SCN2A: variants seen among roughly 807,000 people sequenced by gnomAD.
SCN2A encodes sodium channel protein type 2 subunit alpha.
SCN2A carries 20 observed loss-of-function variants against 188.7 expected under a neutral mutation model. That is an observed-to-expected ratio of 0.11 (90% CI 0.07 to 0.15). The LOEUF (loss-of-function observed/expected upper bound fraction) is 0.15, where lower values mean the gene tolerates loss of function less well. Among genes scored for constraint, SCN2A ranks in the 10% least tolerant of loss-of-function variants. The pLI is 1.00. For synonymous variants in SCN2A, 804 were observed against 833.1 expected (o/e 0.97, Z 0.60); for missense variants, 1,278 against 2,445.0 (o/e 0.52, Z 10.07).
chr2:165,307,856 A>G lies in SCN2A; in HGVS notation c.395A>G (p.Asn132Ser), dbSNP rs1309536386. ...CCTTGACGATATTCTACTTTATTCA[A>G]TATGCTCATTATGTGCACGATTCTT... Reference protein sequence around the residue: ...AIKILVHSLFNMLIMCTILTN... With the variant: ...AIKILVHSLFSMLIMCTILTN... The change falls in exon 4 of 27, where the codon AAT (asparagine) becomes AGT (serine). Residue 132 changes from asparagine (N) to serine (S), a missense_variant. Transcript: ENST00000375437. 3 of 1,608,116 alleles carry G rather than the reference A, an allele frequency of 1.9e-6. No individual in the cohort carries two copies. Among genetic ancestry groups the G allele is most frequent in the South Asian group, 1.1e-5 (1 of 90,932 alleles).
intron 25 of SCN2A, among the ~76,000 whole-genome samples, chr2:165,383,620 G>C (rs947676496): frequency 6.6e-6 from 1 of 152,154 alleles, no homozygotes; most frequent in Admixed American, 6.6e-5. Flanking sequence ...TTGTAGACTT[G>C]TTTTGGAGCT....
intron 19 of SCN2A, among the ~76,000 whole-genome samples, chr2:165,369,209 G>A (rs1055014539): frequency 6.6e-6 from 1 of 152,138 alleles, no homozygotes; most frequent in Non-Finnish European, 1.5e-5. Context: ...AACGACGGGC[G>A]TGAACCACCG....
chr2:165,299,127 G>C (rs1696660585), intron 3 of SCN2A, among the ~76,000 whole-genome samples: 1 of 152,006 alleles, frequency 6.6e-6, no homozygotes, highest in South Asian at 2.1e-4. Context: ...AATCCTAGGA[G>C]ATTATGAATC....
Position 165,392,261 on chromosome 2 carries a change from A to G in SCN2A, c.*2437A>G, listed in dbSNP as rs1261277309. On this transcript the variant is annotated 3_prime_UTR_variant, in exon 27 of 27. Coordinates refer to ENST00000375437, the MANE Select transcript of SCN2A (RefSeq NM_001040142.2). ...CAAAAAGCTAGATATGGCATCAGGTAGACTAGTGGAAAGTTACAAAAATTA... is the reference window on the plus strand; with the variant it reads ...CAAAAAGCTAGATATGGCATCAGGTGGACTAGTGGAAAGTTACAAAAATTA... 6.6e-6 allele frequency: 1 copy of G among 152,546 alleles called. No homozygotes were observed. The highest frequency in any genetic ancestry group is 2.4e-5 in the African/African-American group (1 of 41,450). 9.4% of individuals were successfully genotyped at this position (152,546 alleles called of 1,614,324 possible).
At chr2:165,356,742 G>A (rs1453697306) in intron 17 of SCN2A, among the ~76,000 whole-genome samples, 1 of 152,138 alleles carries the variant, frequency 6.6e-6, no homozygotes, top group East Asian at 1.9e-4. Flanking sequence ...ACAGCCGTGG[G>A]TTTTCCAAAA....
chr2:165,361,594 C>T (rs6735644), intron 17 of SCN2A, among the ~76,000 whole-genome samples: 111,008 of 151,854 alleles, frequency 0.73, 40,872 homozygotes, highest in African/African-American at 0.79. Flanking sequence ...AATGTGCTGC[C>T]TAGATTCTTT....
chr2:165,274,363 T>TAAAAA (rs398060729), intron 1 of SCN2A: 1 of 125,660 alleles, frequency 8.0e-6, no homozygotes, highest in Non-Finnish European at 1.7e-5. Flanking sequence ...GAGAAAAAAT[T>TAAAAA]AAAAAAAAAA....
chr2:165,365,118 GT>G lies in SCN2A; in HGVS notation c.3400-18del. On this transcript the variant is annotated intron_variant, in intron 17 of 26. Transcript: ENST00000375437. ...TAGATTAAAGAAAATAATTAAATGT[GT>G]TTTTTTGTGGGATTGATTTTCAGAA... 1.2e-6 allele frequency: 2 copies of G among 1,603,372 alleles called. No individual in the cohort carries two copies. Among genetic ancestry groups the G allele is most frequent in the Non-Finnish European group, 1.7e-6 (2 of 1,171,796 alleles).
At position 165,295,867 on chromosome 2, in the gene SCN2A, G is replaced by A. The variant is rs773482307; in HGVS notation, c.44G>A (p.Arg15His). ...VLVPPGPDSF[R>H]FFTRESLAAI... ...GTACCGCCAGGACCTGACAGCTTCCGCTTCTTTACCAGGGAATCCCTTGCT... is the reference window on the plus strand; with the variant it reads ...GTACCGCCAGGACCTGACAGCTTCCACTTCTTTACCAGGGAATCCCTTGCT... Residue 15 changes from arginine to histidine, a missense_variant, in exon 2 of 27, where the codon CGC (arginine) becomes CAC (histidine). This residue lies in a region of SCN2A where 141 missense variants were observed against 185.4 expected (regional missense o/e 0.76). Transcript: ENST00000375437. The A allele has an allele frequency of 1.9e-5, 31 of 1,614,120 alleles. No homozygotes were observed. The Middle Eastern group carries it at 6.6e-4, about 34-fold the overall frequency.
Position 165,386,627 on chromosome 2 carries a change from A to AG in SCN2A, c.4552-117dup, listed in dbSNP as rs1341215177. 25 of 1,001,832 alleles carry AG rather than the reference A, an allele frequency of 2.5e-5. No individual in the cohort carries two copies. In the Admixed American group the frequency reaches 6.6e-4, roughly 27 times the overall value. The allele number at this position is 1,001,832 out of a possible 1,614,324, so 62.1% of individuals were successfully genotyped here. On this transcript the variant is annotated intron_variant, in intron 25 of 26. Transcript: ENST00000375437. The stretch of plus-strand genomic sequence containing the variant: ...ATTTTTTTTTTTGTAAAATGTTGTG[A>AG]GGATTAAAGATGTGTTTTTATAAAA...
In SCN2A at chr2:165,300,278, G is replaced by C. The variant is rs561944635; in HGVS notation, c.386+3143G>C. Among the ~76,000 whole-genome samples, 8 of 152,192 alleles carry C rather than the reference G, an allele frequency of 5.3e-5. No individual in the cohort carries two copies. In the South Asian group the frequency reaches 1.7e-3, roughly 32 times the overall value. ...TTGTTCATTTGCAAGTACTTACTGAGTATCTACCATGTGGTAGATATTCTT... is the reference window on the plus strand; with the variant it reads ...TTGTTCATTTGCAAGTACTTACTGACTATCTACCATGTGGTAGATATTCTT... On this transcript the variant is annotated intron_variant, in intron 3 of 26. Transcript: ENST00000375437.
intron 3 of SCN2A, among the ~76,000 whole-genome samples, chr2:165,299,702 T>C (rs1408358593): frequency 6.6e-6 from 1 of 152,200 alleles, no homozygotes; most frequent in Non-Finnish European, 1.5e-5. Context: ...TTATTCCTCT[T>C]GTTGCAAACC....
At chr2:165,288,232 C>T (rs768062836) in intron 1 of SCN2A, among the ~76,000 whole-genome samples, 1 of 152,054 alleles carries the variant, frequency 6.6e-6, no homozygotes, top group Non-Finnish European at 1.5e-5. Context: ...GTGTGGAATT[C>T]AGAGAAAAAT....
At chr2:165,324,908 A>C (rs1698270286) in intron 12 of SCN2A, among the ~76,000 whole-genome samples, 1 of 152,182 alleles carries the variant, frequency 6.6e-6, no homozygotes, top group Non-Finnish European at 1.5e-5. Context: ...CATTTTAACC[A>C]ATGTTTCTCA....
chr2:165,304,930 G>A (rs1697035930), intron 3 of SCN2A, among the ~76,000 whole-genome samples: 1 of 152,188 alleles, frequency 6.6e-6, no homozygotes, highest in South Asian at 2.1e-4. Context: ...ATTTACAATG[G>A]TCGTGTTAGC....
intron 14 of SCN2A, among the ~76,000 whole-genome samples, chr2:165,341,089 TTTTG>T (rs543387525): frequency 7.9e-5 from 12 of 151,922 alleles, no homozygotes; most frequent in African/African-American, 2.2e-4. Flanking sequence ...TATATATATT[TTTTG>T]TTTGTTTGTT....
At chr2:165,328,367 C>A in intron 13 of SCN2A, 1 of 385,784 alleles carries the variant, frequency 2.6e-6, no homozygotes, top group Non-Finnish European at 3.6e-6. Context: ...CCTCTTCCCC[C>A]CAGCTGCCAG....
chr2:165,293,161 C>A (rs1696311240), intron 1 of SCN2A, among the ~76,000 whole-genome samples: 2 of 152,196 alleles, frequency 1.3e-5, no homozygotes, highest in African/African-American at 4.8e-5. Context: ...AATATCAAAT[C>A]CTACTCTATG....
chr2:165,374,168 G>A (rs1010824519), intron 21 of SCN2A, among the ~76,000 whole-genome samples: 5 of 151,834 alleles, frequency 3.3e-5, no homozygotes, highest in African/African-American at 1.2e-4. Flanking sequence ...TGTTATTAGC[G>A]GTAAAATTCT....
Sources: allele counts gnomAD v4.1 joint callset (sites outside exome capture counted in the v4.1 genomes callset), GRCh38; gene constraint gnomAD v4.1.1; regional missense constraint gnomAD v4.1.1; transcripts MANE v1.5; gene names NCBI Gene and HGNC (gene_info 2026-07-23, HGNC 2026-07-21).